Variants in ESRRA observed in about 807,000 individuals in gnomAD.
ESRRA encodes estrogen related receptor alpha.
In ESRRA, 7 loss-of-function variants were observed where a neutral mutation model predicts 35.6. That is an observed-to-expected ratio of 0.20 (90% CI 0.11 to 0.37). The LOEUF (loss-of-function observed/expected upper bound fraction) is 0.37. ESRRA is among the 10% of genes least tolerant of loss of function. The probability of loss-of-function intolerance (pLI) is 1.00; values close to 1 mark genes in which losing one functional copy is unlikely to be tolerated. For missense variants in ESRRA, 378 were observed against 561.7 expected, an observed-to-expected ratio of 0.67 and a Z score of 3.31; for synonymous variants, 223 against 246.9, an observed-to-expected ratio of 0.90 and a Z score of 0.91.
At position 64,314,007 on chromosome 11, in the gene ESRRA, C is replaced by T; in HGVS notation, c.382C>T (p.Arg128Cys). ...CGAGTGTGAGATCACCAAGCGGAGA[C>T]GCAAGGCCTGCCAGGCCTGCCGCTT... Reference protein sequence around the residue: ...SNECEITKRRRKACQACRFTK... With the variant: ...SNECEITKRRCKACQACRFTK... Residue 128 changes from arginine to cysteine, a missense_variant, in exon 3 of 7, where the codon CGC becomes TGC. Transcript: ENST00000000442. 1.3e-6 allele frequency: 2 copies of T among 1,581,854 alleles called. No homozygotes were observed. The highest frequency in any genetic ancestry group is 1.7e-6 in the Non-Finnish European group (2 of 1,164,318).
intron 2 of ESRRA, among the ~76,000 whole-genome samples, chr11:64,310,548 T>TC: frequency 7.0e-6 from 1 of 143,774 alleles, no homozygotes; most frequent in East Asian, 2.0e-4. Context: ...TTTTTTTTTT[T>TC]TTTTTTTTTT....
intron 3 of ESRRA, 75 bp from the exon 4 acceptor site, chr11:64,314,164 A>C: frequency 6.4e-7 from 1 of 1,562,364 alleles, no homozygotes; most frequent in Non-Finnish European, 8.7e-7. Context: ...GGACTCGGGG[A>C]GGACAGCTCT....
chr11:64,313,892 A>C lies in ESRRA; in HGVS notation c.326-59A>C. On this transcript the variant is annotated intron_variant, in intron 2 of 6. Transcript: ENST00000000442. This position sits in a 1 kb window ranked among gnomAD's most constrained non-coding sequence, Gnocchi z 4.0. ...CGGGGAGAGTCAGGGCTCTCCTGTC[A>C]GCTGGGTCCCCTCCCAGCCCCGGGA... 1 of 1,242,834 alleles carries C rather than the reference A, an allele frequency of 8.0e-7. No homozygotes were observed. Among genetic ancestry groups the C allele is most frequent in the Non-Finnish European group, 1.1e-6 (1 of 885,148 alleles). The allele number at this position is 1,242,834 out of a possible 1,614,324, so 77.0% of individuals were successfully genotyped here.
chr11:64,310,757 A>G (rs2035125775), intron 2 of ESRRA, among the ~76,000 whole-genome samples: 1 of 151,930 alleles, frequency 6.6e-6, no homozygotes, highest in Non-Finnish European at 1.5e-5. Context: ...CATGTTGGCC[A>G]GGCTGGCCTC....
intron 2 of ESRRA, among the ~76,000 whole-genome samples, chr11:64,312,324 G>C (rs2135256289): frequency 6.6e-6 from 1 of 152,178 alleles, no homozygotes. Context: ...ACTTTTAGTA[G>C]AGACGGGGTT....
rs1475825014 is a variant in ESRRA at position 64,314,430 on chromosome 11, C to A, written c.571+63C>A. On this transcript the variant is annotated intron_variant, in intron 4 of 6. Transcript: ENST00000000442. Reference sequence around the variant, plus strand: ...AGGCCTATGTGTGGCATCATAGTTACCTTGGGCACTGGGACCTGTATTTCC... The same window carrying A: ...AGGCCTATGTGTGGCATCATAGTTAACTTGGGCACTGGGACCTGTATTTCC... 1.3e-5 allele frequency: 19 copies of A among 1,463,614 alleles called. No individual in the cohort carries two copies. In the South Asian group the frequency reaches 2.6e-4, roughly 20 times the overall value. 90.7% of individuals were successfully genotyped at this position (1,463,614 alleles called of 1,614,324 possible).
rs1427754427 is a variant in ESRRA, at chr11:64,314,383, G to A, written c.571+16G>A. The A allele has an allele frequency of 8.4e-6, 13 of 1,540,438 alleles. No homozygotes were observed. The highest frequency in any genetic ancestry group is 1.1e-5 in the Non-Finnish European group (12 of 1,140,794). ...CGGAAGACAGGTGAGAGCACTGTGG[G>A]TACCTGGGGCTACGAAACCGGAGGC... On this transcript the variant is annotated intron_variant, in intron 4 of 6. Coordinates refer to ENST00000000442, the MANE Select transcript of ESRRA (RefSeq NM_004451.5).
At position 64,307,252 on chromosome 11, in the gene ESRRA, G is replaced by A; in HGVS notation, c.73G>A (p.Gly25Ser). ...AEPASPDSPK[G>S]SSETETEPPV... Reference sequence around the variant, plus strand: ...GCCGGCCAGCCCTGACAGTCCAAAGGGTTCCTCGGAGACAGAGACCGAGCC... The same window carrying A: ...GCCGGCCAGCCCTGACAGTCCAAAGAGTTCCTCGGAGACAGAGACCGAGCC... The change falls in exon 2 of 7, where the codon GGT (glycine) becomes AGT (serine). Residue 25 changes from glycine to serine, a missense_variant. Gly to Ser is a moderately conservative substitution (Grantham distance 56, BLOSUM62 0). Around this residue, in one of 4 missense-constraint regions of ESRRA, gnomAD observed 87 missense variants for 92.6 expected, o/e 0.94. Coordinates refer to ENST00000000442, the MANE Select transcript of ESRRA (RefSeq NM_004451.5). The A allele has an allele frequency of 6.2e-7, 1 of 1,613,388 alleles. No homozygotes were observed. Among genetic ancestry groups the A allele is most frequent in the Non-Finnish European group, 8.5e-7 (1 of 1,179,670 alleles).
At position 64,316,092 on chromosome 11, in the gene ESRRA, T is replaced by G; in HGVS notation, c.*126T>G. The G allele has an allele frequency of 6.8e-6, 8 of 1,184,182 alleles. No individual in the cohort carries two copies. The highest frequency in any genetic ancestry group is 9.5e-6 in the Non-Finnish European group (8 of 844,448). 73.4% of individuals were successfully genotyped at this position (1,184,182 alleles called of 1,614,324 possible). On this transcript the variant is annotated 3_prime_UTR_variant, in exon 7 of 7. Transcript: ENST00000000442. ...TGCTGGCAGGGCCAGGGCAATGCCA[T>G]CAGCCCCTGGGAACAGGCCCCACGC...
chr11:64,307,206 G>A lies in ESRRA; in HGVS notation c.27G>A (p.Glu9=), dbSNP rs1179055893. The change falls in exon 2 of 7, where the codon GAG becomes GAA. Residue 9 remains glutamate (E), a synonymous_variant. Coordinates refer to ENST00000000442, the MANE Select transcript of ESRRA (RefSeq NM_004451.5). MSSQVVGI[E]PLYIKAEPAS... is the part of the protein sequence containing the mutation. The stretch of plus-strand genomic sequence containing the variant: ...TGTCCAGCCAGGTGGTGGGCATTGA[G>A]CCTCTCTACATCAAGGCAGAGCCGG... 1.3e-6 allele frequency: 2 copies of A among 1,599,570 alleles called. No homozygotes were observed. The highest frequency in any genetic ancestry group is 1.7e-6 in the Non-Finnish European group (2 of 1,170,364).
rs1238638398 is a variant in ESRRA, at chr11:64,305,812, AGGCGGGCGG to A, written c.-13+84_-13+92del. 2 of 149,394 alleles carry A rather than the reference AGGCGGGCGG, an allele frequency of 1.3e-5. No homozygotes were observed. Among genetic ancestry groups the A allele is most frequent in the Non-Finnish European group, 3.0e-5 (2 of 67,042 alleles). The allele number at this position is 149,394 out of a possible 1,614,324, so 9.3% of individuals were successfully genotyped here. Reference sequence around the variant, plus strand: ...GGGGCCATGTGCGAGCGCGGCAGGGAGGCGGGCGGGGCGGGCTGCAGGCGGGGTCCGACT... The same window carrying A: ...GGGGCCATGTGCGAGCGCGGCAGGGAGGCGGGCTGCAGGCGGGGTCCGACT... On this transcript the variant is annotated intron_variant, in intron 1 of 6. Coordinates refer to ENST00000000442, the MANE Select transcript of ESRRA (RefSeq NM_004451.5). This position sits in a 1 kb window ranked among gnomAD's most constrained non-coding sequence, Gnocchi z 5.8.
chr11:64,311,981 C>CATTTTTTTTTTT (rs2035148779), intron 2 of ESRRA, among the ~76,000 whole-genome samples: 1 of 5,322 alleles, frequency 1.9e-4, no homozygotes. Flanking sequence ...CTGCGCCTGG[C>CATTTTTTTTTTT]CTTTTTTTTT....
chr11:64,307,744 C>A (rs1171094634), intron 2 of ESRRA, among the ~76,000 whole-genome samples: 1 of 152,200 alleles, frequency 6.6e-6, no homozygotes, highest in Non-Finnish European at 1.5e-5. Flanking sequence ...AGGCCCAGCA[C>A]CTTCTACAGT....
chr11:64,312,753 C>G (rs1373358742), intron 2 of ESRRA, among the ~76,000 whole-genome samples: 1 of 152,190 alleles, frequency 6.6e-6, no homozygotes, highest in African/African-American at 2.4e-5. Context: ...CAGGAGGACT[C>G]TGCAAAGGGA....
In ESRRA at chr11:64,313,789, A is replaced by C; in HGVS notation, c.326-162A>C. ...TCATCCAGGCAGGGCTCCCCCGCCC[A>C]GCAGCCACTCCCCTCCCTGCCTGCT... On this transcript the variant is annotated intron_variant, in intron 2 of 6. Transcript: ENST00000000442. This position sits in a 1 kb window ranked among gnomAD's most constrained non-coding sequence, Gnocchi z 4.0. 2 of 560,558 alleles carry C rather than the reference A, an allele frequency of 3.6e-6. No homozygotes were observed. The highest frequency in any genetic ancestry group is 6.4e-6 in the Non-Finnish European group (2 of 313,102). The allele number at this position is 560,558 out of a possible 1,614,324, so 34.7% of individuals were successfully genotyped here. A position where few individuals can be genotyped will look rare whatever the true frequency, so the allele number is the denominator to read the frequency against.
chr11:64,310,932 G>A (rs762071361), intron 2 of ESRRA, among the ~76,000 whole-genome samples: 5 of 152,140 alleles, frequency 3.3e-5, no homozygotes, highest in Admixed American at 1.3e-4. Flanking sequence ...TGAGCCAGCC[G>A]GCCAGGGTGC....
chr11:64,308,801 G>T (rs1262730047), intron 2 of ESRRA, among the ~76,000 whole-genome samples: 2 of 140,902 alleles, frequency 1.4e-5, no homozygotes, highest in African/African-American at 2.7e-5. Context: ...GGGCGACAGA[G>T]TGAGACTCCG....
intron 2 of ESRRA, among the ~76,000 whole-genome samples, chr11:64,309,136 CAAAAAA>C (rs1004281526): frequency 7.0e-5 from 10 of 143,238 alleles, no homozygotes; most frequent in Middle Eastern, 4.5e-3. Context: ...AAAACAAAAA[CAAAAAA>C]ACCCAAAAAC....
Position 64,309,635 on chromosome 11 carries a change from A to T in ESRRA, c.325+2131A>T, listed in dbSNP as rs1410104819. ...TTTGGGGGCTATAACACGTATAATTAAAAAAAAAAAAAAAAAGGCCAAGTG... is the reference window on the plus strand; with the variant it reads ...TTTGGGGGCTATAACACGTATAATTTAAAAAAAAAAAAAAAAGGCCAAGTG... On this transcript the variant is annotated intron_variant, in intron 2 of 6. Coordinates refer to ENST00000000442, the MANE Select transcript of ESRRA (RefSeq NM_004451.5). Among the ~76,000 whole-genome samples the T allele has an allele frequency of 7.6e-5, 9 of 118,872 alleles. No homozygotes were observed. The South Asian group carries it at 9.9e-4, about 13-fold the overall frequency. 78.0% of individuals were successfully genotyped at this position (118,872 alleles called of 152,430 possible).
Sources: allele counts gnomAD v4.1 joint callset (sites outside exome capture counted in the v4.1 genomes callset), GRCh38; gene constraint gnomAD v4.1.1; regional missense constraint gnomAD v4.1.1; non-coding constraint Gnocchi (gnomAD v3.1); transcripts MANE v1.5; gene names NCBI Gene and HGNC (gene_info 2026-07-23, HGNC 2026-07-21).